The following PCDHA11 variants were observed in gnomAD, a reference collection of about 807,000 sequenced individuals.
The protein encoded by PCDHA11 is protocadherin alpha 11.
PCDHA11 carries 61 observed loss-of-function variants against 70.3 expected under a neutral mutation model. The observed-to-expected ratio is 0.87, with a 90% CI of 0.71 to 1.07. PCDHA11 has a LOEUF of 1.07. Among genes scored for constraint, PCDHA11 ranks in the 50% least tolerant of loss-of-function variants. The probability of loss-of-function intolerance (pLI) is 0.00; values close to 1 mark genes in which losing one functional copy is unlikely to be tolerated. For synonymous variants in PCDHA11, 633 were observed against 555.1 expected (o/e 1.14, Z -1.97); for missense variants, 1,324 against 1,237.5 (o/e 1.07, Z -1.05).
At chr5:140,975,552 G>A (rs1416724640) in intron 1 of PCDHA11, among the ~76,000 whole-genome samples, 1 of 152,200 alleles carries the variant, frequency 6.6e-6, no homozygotes, top group Non-Finnish European at 1.5e-5. Flanking sequence ...CTATTAGGAA[G>A]GAAAAGGAGA....
rs2098423382 is a variant in PCDHA11, at chr5:141,012,241, T to C, written c.*2304T>C. On this transcript the variant is annotated 3_prime_UTR_variant, in exon 4 of 4. Coordinates refer to ENST00000398640, the MANE Select transcript of PCDHA11 (RefSeq NM_018902.5). ...GTGCTTTCCAATCCATGTTAGTTAC[T>C]AGTTATTACAGCTGTAAGGATAAAA... 6.5e-6 allele frequency: 1 copy of C among 153,802 alleles called. No homozygotes were observed. The highest frequency in any genetic ancestry group is 6.5e-5 in the Admixed American group (1 of 15,284). The allele number at this position is 153,802 out of a possible 1,614,324, so 9.5% of individuals were successfully genotyped here.
At chr5:140,924,987 TC>T (rs1458982480) in intron 1 of PCDHA11, among the ~76,000 whole-genome samples, 4 of 151,232 alleles carry the variant, frequency 2.6e-5, no homozygotes, top group Admixed American at 6.6e-5. Context: ...ATGTCTGTAA[TC>T]CTAGCACTTT....
intron 1 of PCDHA11, among the ~76,000 whole-genome samples, chr5:140,921,816 G>A (rs2080411020): frequency 6.6e-6 from 1 of 151,846 alleles, no homozygotes; most frequent in Non-Finnish European, 1.5e-5. Context: ...ATACATGTGT[G>A]AATATCTATA....
intron 1 of PCDHA11, chr5:140,876,450 G>T (rs2153340874): frequency 6.2e-7 from 1 of 1,614,012 alleles, no homozygotes; most frequent in Non-Finnish European, 8.5e-7. Context: ...TTGATAAAGG[G>T]ATTCCTTCCA....
intron 1 of PCDHA11, chr5:140,882,740 T>A (rs1554175394): frequency 6.2e-7 from 1 of 1,614,198 alleles, no homozygotes; most frequent in African/African-American, 1.3e-5. Flanking sequence ...AGATGGCGCA[T>A]CCGATGCAGA....
intron 1 of PCDHA11, among the ~76,000 whole-genome samples, chr5:140,972,660 A>ATTTTT (rs11350929): frequency 8.5e-5 from 10 of 117,262 alleles, no homozygotes; most frequent in Non-Finnish European, 1.6e-4. Context: ...AAGAAACCAA[A>ATTTTT]TTTTTTTTTT....
At chr5:140,883,113 G>A in intron 1 of PCDHA11, 2 of 1,614,086 alleles carry the variant, frequency 1.2e-6, no homozygotes, top group Non-Finnish European at 1.7e-6. Context: ...TACTCATTTA[G>A]AAGGCCTGTA....
intron 1 of PCDHA11, chr5:140,883,651 G>T: frequency 6.2e-7 from 1 of 1,613,652 alleles, no homozygotes. Context: ...CCGAGTACAC[G>T]GTGTTCGTGA....
At chr5:140,927,764 G>T (rs2084612834) in intron 1 of PCDHA11, 1 of 1,614,092 alleles carries the variant, frequency 6.2e-7, no homozygotes. Flanking sequence ...CCTAAAAGTG[G>T]GGAGGTGCAA....
chr5:140,979,972 C>T (rs1393315984), intron 2 of PCDHA11, among the ~76,000 whole-genome samples: 1 of 152,176 alleles, frequency 6.6e-6, no homozygotes, highest in East Asian at 1.9e-4. Context: ...CATTAAAATG[C>T]ATTAGATTGA....
At chr5:140,945,527 C>A (rs1268496424) in intron 1 of PCDHA11, among the ~76,000 whole-genome samples, 2 of 151,828 alleles carry the variant, frequency 1.3e-5, no homozygotes, top group African/African-American at 4.8e-5. Context: ...ATAAATAAAA[C>A]AAAACATACA....
At chr5:140,963,659 A>G (rs1474288889) in intron 1 of PCDHA11, among the ~76,000 whole-genome samples, 3 of 152,222 alleles carry the variant, frequency 2.0e-5, no homozygotes. Context: ...TTGATTTCCT[A>G]TATGGCATAG....
intron 1 of PCDHA11, among the ~76,000 whole-genome samples, chr5:140,977,625 T>A (rs2096768746): frequency 6.6e-6 from 1 of 152,144 alleles, no homozygotes; most frequent in Non-Finnish European, 1.5e-5. Flanking sequence ...ATCCCAGAGT[T>A]GTAACTTTTT....
chr5:140,995,286 C>T (rs571122259), intron 3 of PCDHA11, among the ~76,000 whole-genome samples: 18 of 152,182 alleles, frequency 1.2e-4, no homozygotes, highest in African/African-American at 3.4e-4. Context: ...CCAAAACAGC[C>T]AGTCGGATAC....
chr5:140,989,696 T>G (rs1554251011), intron 3 of PCDHA11, among the ~76,000 whole-genome samples: 1 of 152,216 alleles, frequency 6.6e-6, no homozygotes, highest in African/African-American at 2.4e-5. Flanking sequence ...CGTGAAAATT[T>G]TATCTTCAGA....
chr5:140,981,407 C>G (rs1410838924), intron 2 of PCDHA11, among the ~76,000 whole-genome samples: 1 of 152,042 alleles, frequency 6.6e-6, no homozygotes, highest in Non-Finnish European at 1.5e-5. Flanking sequence ...AAACCTGTCT[C>G]TACTAAAAAT....
At chr5:140,974,865 G>A (rs1042029401) in intron 1 of PCDHA11, among the ~76,000 whole-genome samples, 7 of 152,026 alleles carry the variant, frequency 4.6e-5, no homozygotes, top group African/African-American at 1.4e-4. Context: ...GCCTTAATGC[G>A]GAACAGTCTA....
At chr5:140,945,768 T>C (rs1212479192) in intron 1 of PCDHA11, among the ~76,000 whole-genome samples, 3 of 152,062 alleles carry the variant, frequency 2.0e-5, no homozygotes, top group African/African-American at 7.2e-5. Flanking sequence ...GTGGGACAAT[T>C]TGATATCCAG....
intron 1 of PCDHA11, among the ~76,000 whole-genome samples, chr5:140,911,002 C>A (rs1216727256): frequency 6.6e-6 from 1 of 152,114 alleles, no homozygotes; most frequent in Non-Finnish European, 1.5e-5. Context: ...CCCTAGGGCC[C>A]TCCTGGGACT....
Sources: gnomAD v4.1 joint callset for allele counts (sites outside exome capture counted in the v4.1 genomes callset) on GRCh38, gnomAD v4.1.1 for gene constraint, MANE v1.5 for transcripts, NCBI Gene and HGNC (gene_info 2026-07-23, HGNC 2026-07-21) for gene names.